Variants in MRPL1 observed in about 807,000 individuals in gnomAD.
The protein encoded by MRPL1 is large ribosomal subunit protein uL1m.
Under a neutral mutation model 38.0 loss-of-function variants are expected in MRPL1, and 28 were observed. That is an observed-to-expected ratio of 0.74 (90% CI 0.55 to 1.01). MRPL1 has a LOEUF of 1.01. Ranked by LOEUF, MRPL1 falls within the 50% of genes least tolerant of loss-of-function variation. MRPL1 has a pLI of 0.00. For missense variants in MRPL1, 358 were observed against 389.8 expected, an observed-to-expected ratio of 0.92 and a Z score of 0.69; for synonymous variants, 123 against 126.7, an observed-to-expected ratio of 0.97 and a Z score of 0.20.
chr4:77,947,729 C>T (rs1420077009), intron 7 of MRPL1, among the ~76,000 whole-genome samples: 3 of 152,186 alleles, frequency 2.0e-5, no homozygotes, highest in African/African-American at 7.2e-5. Flanking sequence ...TGTTTGCCTA[C>T]ACAGCTATCT....
chr4:77,875,655 C>T (rs1238300170), intron 2 of MRPL1, among the ~76,000 whole-genome samples: 3 of 131,266 alleles, frequency 2.3e-5, no homozygotes. Flanking sequence ...CTGCCAAAAA[C>T]AAAAAAAAAA....
intron 1 of MRPL1, among the ~76,000 whole-genome samples, chr4:77,868,276 C>T (rs1270777899): frequency 2.0e-5 from 3 of 151,998 alleles, no homozygotes; most frequent in South Asian, 2.1e-4. Flanking sequence ...GACTCTTCCT[C>T]TGTTGCCTAG....
At chr4:77,899,339 A>G (rs1735985089) in intron 6 of MRPL1, among the ~76,000 whole-genome samples, 1 of 152,062 alleles carries the variant, frequency 6.6e-6, no homozygotes, top group Non-Finnish European at 1.5e-5. Context: ...ACAAACAAAA[A>G]GCAAATCACG....
At chr4:77,942,554 T>G (rs531022474) in intron 7 of MRPL1, among the ~76,000 whole-genome samples, 2 of 152,214 alleles carry the variant, frequency 1.3e-5, no homozygotes, top group Admixed American at 6.5e-5. Flanking sequence ...CCAGTGTTAA[T>G]GCATATATAT....
At chr4:77,880,091 A>G (rs1008415656) in intron 2 of MRPL1, among the ~76,000 whole-genome samples, 6 of 152,202 alleles carry the variant, frequency 3.9e-5, no homozygotes, top group Non-Finnish European at 2.9e-5. Context: ...ACAAATTGCC[A>G]TCTCTGCCAT....
At chr4:77,869,546 G>GA (rs1168685411) in intron 1 of MRPL1, among the ~76,000 whole-genome samples, 2 of 152,042 alleles carry the variant, frequency 1.3e-5, no homozygotes, top group African/African-American at 2.4e-5. Context: ...TGTCATGACT[G>GA]ATAGTAGTGG....
chr4:77,919,145 G>A (rs907249838), intron 7 of MRPL1, among the ~76,000 whole-genome samples: 4 of 152,100 alleles, frequency 2.6e-5, no homozygotes, highest in Non-Finnish European at 5.9e-5. Context: ...TCAGAATAGA[G>A]ACTTTGAAGT....
At chr4:77,910,854 GGCACT>G (rs1736270809) in intron 7 of MRPL1, among the ~76,000 whole-genome samples, 2 of 152,148 alleles carry the variant, frequency 1.3e-5, no homozygotes, top group South Asian at 4.1e-4. Context: ...CAATTTATTT[GGCACT>G]GAGCTCTGCT....
intron 7 of MRPL1, among the ~76,000 whole-genome samples, chr4:77,917,056 A>C (rs1226018675): frequency 7.2e-5 from 11 of 152,158 alleles, no homozygotes; most frequent in Non-Finnish European, 1.6e-4. Context: ...ACAGCTTAAA[A>C]ATTTCAGTGT....
chr4:77,943,954 A>G (rs765976751), intron 7 of MRPL1, among the ~76,000 whole-genome samples: 2 of 152,252 alleles, frequency 1.3e-5, no homozygotes, highest in Non-Finnish European at 2.9e-5. Flanking sequence ...GGGGATGTTT[A>G]AGAACTTTGG....
chr4:77,940,622 C>T (rs145743466), intron 7 of MRPL1, among the ~76,000 whole-genome samples: 2 of 152,256 alleles, frequency 1.3e-5, no homozygotes, highest in African/African-American at 2.4e-5. Flanking sequence ...TGTCTTGTTC[C>T]AGTTCTCAGG....
intron 7 of MRPL1, among the ~76,000 whole-genome samples, chr4:77,926,258 A>C (rs1736710490): frequency 1.3e-5 from 2 of 152,074 alleles, no homozygotes; most frequent in Non-Finnish European, 2.9e-5. Flanking sequence ...ACACTGGGGG[A>C]GATCAGGAGT....
At chr4:77,874,275 C>T (rs554712658) in intron 2 of MRPL1, among the ~76,000 whole-genome samples, 5 of 152,180 alleles carry the variant, frequency 3.3e-5, no homozygotes, top group East Asian at 1.9e-4. Context: ...TGTGAGCTAC[C>T]GCACCCGGAC....
chr4:77,910,970 A>C (rs545238436), intron 7 of MRPL1, among the ~76,000 whole-genome samples: 1 of 152,306 alleles, frequency 6.6e-6, no homozygotes, highest in African/African-American at 2.4e-5. Flanking sequence ...CAAACAAATG[A>C]AACATAAAAT....
chr4:77,865,788 G>T lies in MRPL1; in HGVS notation c.31+2909G>T, dbSNP rs957512593. On this transcript the variant is annotated intron_variant, in intron 1 of 8. Coordinates refer to ENST00000315567, the MANE Select transcript of MRPL1 (RefSeq NM_020236.4). ...CACTGCAGCTACCTTGTTCCCACCT[G>T]CTACCATCTCTCACTTGGATTTCTC... Among the ~76,000 whole-genome samples the T allele has an allele frequency of 2.6e-5, 4 of 152,116 alleles. No individual in the cohort carries two copies. The East Asian group carries it at 7.7e-4, about 29-fold the overall frequency.
At chr4:77,941,935 T>C (rs1485237283) in intron 7 of MRPL1, among the ~76,000 whole-genome samples, 2 of 152,146 alleles carry the variant, frequency 1.3e-5, no homozygotes, top group African/African-American at 4.8e-5. Flanking sequence ...GGTTTATTCT[T>C]GTTTCTCTAG....
chr4:77,883,158 T>A (rs1336439567), intron 2 of MRPL1, 84 bp from the exon 3 acceptor site: 11 of 867,692 alleles, frequency 1.3e-5, no homozygotes, highest in Non-Finnish European at 1.6e-6. Flanking sequence ...TTTGTTTTTT[T>A]TTCTCTTATG....
intron 7 of MRPL1, among the ~76,000 whole-genome samples, chr4:77,944,507 G>C (rs547101149): frequency 6.6e-6 from 1 of 152,074 alleles, no homozygotes; most frequent in African/African-American, 2.4e-5. Flanking sequence ...GTAGCACTTC[G>C]TTCATATAAA....
chr4:77,901,406 C>T (rs1736030643), intron 6 of MRPL1, among the ~76,000 whole-genome samples: 1 of 150,760 alleles, frequency 6.6e-6, no homozygotes, highest in Admixed American at 6.6e-5. Flanking sequence ...TAAATTCAGC[C>T]ATATAAATAG....
Sources: allele counts gnomAD v4.1 joint callset (sites outside exome capture counted in the v4.1 genomes callset), GRCh38; gene constraint gnomAD v4.1.1; transcripts MANE v1.5; gene names NCBI Gene and HGNC (gene_info 2026-07-23, HGNC 2026-07-21).